Variants in SEMA6D observed in about 807,000 individuals in gnomAD.
The protein encoded by SEMA6D is semaphorin-6D.
In SEMA6D, 35 loss-of-function variants were observed where a neutral mutation model predicts 106.6. That is an observed-to-expected ratio of 0.33 (90% CI 0.25 to 0.44). SEMA6D has a LOEUF of 0.44. SEMA6D is among the 20% of genes least tolerant of loss of function. SEMA6D has a pLI of 1.00. For missense variants in SEMA6D, 1,185 were observed against 1,345.9 expected (o/e 0.88, Z 1.87); for synonymous variants, 499 against 487.7 (o/e 1.02, Z -0.31).
chr15:47,599,163 A>C (rs2076594853), intron 3 of SEMA6D, among the ~76,000 whole-genome samples: 1 of 152,100 alleles, frequency 6.6e-6, no homozygotes, highest in African/African-American at 2.4e-5. Context: ...ATGCACATAC[A>C]TTTAAATACT....
chr15:47,527,199 C>A (rs1447365570), intron 3 of SEMA6D, among the ~76,000 whole-genome samples: 2 of 151,986 alleles, frequency 1.3e-5, no homozygotes, highest in Non-Finnish European at 2.9e-5. Context: ...ACAAAATGAT[C>A]CACTCAAAAG....
At chr15:47,633,705 G>A (rs910317841) in intron 4 of SEMA6D, among the ~76,000 whole-genome samples, 1 of 152,138 alleles carries the variant, frequency 6.6e-6, no homozygotes, top group Non-Finnish European at 1.5e-5. Context: ...TCATTTAAGT[G>A]AGCAGTTTTC....
intron 3 of SEMA6D, among the ~76,000 whole-genome samples, chr15:47,596,855 T>C (rs960160034): frequency 3.9e-5 from 6 of 152,028 alleles, no homozygotes; most frequent in African/African-American, 1.4e-4. Flanking sequence ...AGAAAAAAAC[T>C]ACGCAACATT....
intron 4 of SEMA6D, among the ~76,000 whole-genome samples, chr15:47,638,490 A>G (rs2077431053): frequency 6.6e-6 from 1 of 152,198 alleles, no homozygotes; most frequent in Non-Finnish European, 1.5e-5. Flanking sequence ...CAACGTAACA[A>G]ATGTGTATGA....
intron 1 of SEMA6D, chr15:47,730,758 A>G: frequency 1.3e-6 from 2 of 1,599,434 alleles, no homozygotes; most frequent in South Asian, 2.2e-5. Flanking sequence ...GCAACCTGAT[A>G]TAGTGGGGCC....
At chr15:47,357,472 T>A (rs1178377354) in intron 1 of SEMA6D, among the ~76,000 whole-genome samples, 2 of 152,146 alleles carry the variant, frequency 1.3e-5, no homozygotes, top group African/African-American at 4.8e-5. Context: ...CTTAAATGTA[T>A]ATGGTCCCAC....
rs181161371 is a variant in SEMA6D at position 47,616,518 on chromosome 15, G to A, written c.-55+15622G>A. ...CTACTTGGCTATGACACAATGGTAGGTGTTTAAAAAGAGAGAGCGAGTATA... is the reference window on the plus strand; with the variant it reads ...CTACTTGGCTATGACACAATGGTAGATGTTTAAAAAGAGAGAGCGAGTATA... On this transcript the variant is annotated intron_variant, in intron 4 of 19. Coordinates refer to the SEMA6D transcript ENST00000558014. Among the ~76,000 whole-genome samples the A allele has an allele frequency of 1.7e-4, 26 of 150,778 alleles. No individual in the cohort carries two copies. The East Asian group carries it at 5.1e-3, about 30-fold the overall frequency.
At chr15:47,589,004 A>G (rs1206189368) in intron 3 of SEMA6D, among the ~76,000 whole-genome samples, 5 of 152,224 alleles carry the variant, frequency 3.3e-5, no homozygotes, top group African/African-American at 1.2e-4. Context: ...TGCACAGAAC[A>G]GACCCCCAAC....
intron 3 of SEMA6D, among the ~76,000 whole-genome samples, chr15:47,532,372 T>C (rs1418031122): frequency 6.6e-6 from 1 of 152,236 alleles, no homozygotes; most frequent in Non-Finnish European, 1.5e-5. Flanking sequence ...TCCTGGAACC[T>C]CTAACAGTCT....
intron 3 of SEMA6D, among the ~76,000 whole-genome samples, chr15:47,591,375 C>T (rs58644991): frequency 0.17 from 26,266 of 152,048 alleles, 2,626 homozygotes; most frequent in African/African-American, 0.25. Context: ...CAACTGAAGG[C>T]TCTATGGGGC....
chr15:47,235,954 T>C (rs1339885425), intron 1 of SEMA6D, among the ~76,000 whole-genome samples: 10 of 152,086 alleles, frequency 6.6e-5, no homozygotes, highest in Admixed American at 6.6e-4. Context: ...CCTCAGATAT[T>C]GGTACTTGGA....
At chr15:47,575,867 A>C (rs577944295) in intron 3 of SEMA6D, among the ~76,000 whole-genome samples, 150 of 152,322 alleles carry the variant, frequency 9.8e-4, no homozygotes, top group African/African-American at 3.5e-3. Flanking sequence ...CAACTTTAAA[A>C]ATTAACACAA....
At chr15:47,302,842 T>G (rs2036075698) in intron 1 of SEMA6D, among the ~76,000 whole-genome samples, 1 of 151,896 alleles carries the variant, frequency 6.6e-6, no homozygotes, top group Non-Finnish European at 1.5e-5. Context: ...GAGAGACCCA[T>G]GTTATACTTC....
intron 3 of SEMA6D, among the ~76,000 whole-genome samples, chr15:47,487,811 A>T (rs1048774150): frequency 3.3e-5 from 5 of 152,248 alleles, no homozygotes; most frequent in South Asian, 2.1e-4. Flanking sequence ...TGTTATCTAC[A>T]TGTTATCTAG....
intron 16 of SEMA6D, 96 bp from the exon 17 acceptor site, chr15:47,766,940 CT>C (rs11353659): frequency 0.44 from 244,909 of 557,742 alleles, 28,157 homozygotes; most frequent in African/African-American, 0.57. Context: ...AATTTATAGT[CT>C]TTTTTTTTTT....
intron 3 of SEMA6D, among the ~76,000 whole-genome samples, chr15:47,549,535 GA>G (rs761109492): frequency 2.0e-5 from 3 of 152,102 alleles, no homozygotes; most frequent in Non-Finnish European, 2.9e-5. Flanking sequence ...ATTATTGGGA[GA>G]AATCACTTAA....
intron 1 of SEMA6D, among the ~76,000 whole-genome samples, chr15:47,747,922 C>T (rs1375948158): frequency 6.6e-6 from 1 of 152,238 alleles, no homozygotes; most frequent in Non-Finnish European, 1.5e-5. Context: ...TGAAGAGTCA[C>T]ATAGGATTCT....
chr15:47,589,154 C>T (rs546482853), intron 3 of SEMA6D, among the ~76,000 whole-genome samples: 29 of 152,296 alleles, frequency 1.9e-4, no homozygotes, highest in Middle Eastern at 3.4e-3. Context: ...ATGAGGGTCC[C>T]CTCCCGGCAG....
chr15:47,552,525 T>C (rs1000440565), intron 3 of SEMA6D, among the ~76,000 whole-genome samples: 2 of 130,064 alleles, frequency 1.5e-5, no homozygotes, highest in Non-Finnish European at 3.2e-5. Flanking sequence ...TATATATGTA[T>C]ACACACACAC....
Sources: gnomAD v4.1 joint callset for allele counts (sites outside exome capture counted in the v4.1 genomes callset) on GRCh38, gnomAD v4.1.1 for gene constraint, MANE v1.5 for transcripts, NCBI Gene and HGNC (gene_info 2026-07-23, HGNC 2026-07-21) for gene names.